Variants in FRMPD2 observed in about 807,000 individuals in gnomAD.
FRMPD2 encodes the protein FERM and PDZ domain-containing protein 2.
FRMPD2 carries 96 observed loss-of-function variants against 140.1 expected under a neutral mutation model. The observed-to-expected ratio is 0.69, with a 90% CI of 0.58 to 0.81. The LOEUF (loss-of-function observed/expected upper bound fraction) is 0.81, where lower values mean the gene tolerates loss of function less well. Ranked by LOEUF, FRMPD2 falls within the 40% of genes least tolerant of loss-of-function variation. FRMPD2 has a pLI of 0.00. For missense variants in FRMPD2, 1,240 were observed against 1,447.4 expected, an observed-to-expected ratio of 0.86 and a Z score of 2.32; for synonymous variants, 449 against 547.6, an observed-to-expected ratio of 0.82 and a Z score of 2.52.
chr10:48,233,517 T>A (rs1333615848), intron 9 of FRMPD2, among the ~76,000 whole-genome samples: 1 of 152,200 alleles, frequency 6.6e-6, no homozygotes, highest in Non-Finnish European at 1.5e-5. Flanking sequence ...TCCCAGCTGC[T>A]TCCTGAGAGG....
chr10:48,224,135 C>A (rs1839671215), intron 10 of FRMPD2, among the ~76,000 whole-genome samples: 1 of 152,162 alleles, frequency 6.6e-6, no homozygotes, highest in African/African-American at 2.4e-5. Context: ...CAAATCCTGG[C>A]AAGTGTGTCC....
intron 10 of FRMPD2, among the ~76,000 whole-genome samples, chr10:48,228,897 T>C (rs747887731): frequency 1.3e-5 from 2 of 151,998 alleles, no homozygotes; most frequent in Non-Finnish European, 2.9e-5. Context: ...AATAAGAACA[T>C]TATAAATGGT....
intron 1 of FRMPD2, among the ~76,000 whole-genome samples, chr10:48,272,195 C>T (rs530130154): frequency 2.0e-4 from 26 of 132,780 alleles, no homozygotes; most frequent in African/African-American, 9.9e-4. Flanking sequence ...AGTATTCTTC[C>T]TAATTCTTCC....
intron 14 of FRMPD2, among the ~76,000 whole-genome samples, chr10:48,201,873 T>A (rs1196072132): frequency 6.6e-6 from 1 of 152,148 alleles, no homozygotes; most frequent in Admixed American, 6.6e-5. Flanking sequence ...GAGTATGAAT[T>A]TATTTTATCT....
chr10:48,243,487 T>C (rs1487618873), intron 4 of FRMPD2, among the ~76,000 whole-genome samples: 2 of 152,128 alleles, frequency 1.3e-5, no homozygotes, highest in African/African-American at 4.8e-5. Flanking sequence ...TTATTAAGAA[T>C]TCCAGGACAG....
At chr10:48,274,727 G>A (rs1840824840), upstream of FRMPD2, 2 of 673,784 alleles carry the variant, frequency 3.0e-6, no homozygotes, top group Non-Finnish European at 5.3e-6. Flanking sequence ...TGCCCAGCGA[G>A]TGAGTCAACA....
intron 12 of FRMPD2, 127 bp from the exon 13 acceptor site, chr10:48,212,236 GC>G: frequency 1.2e-6 from 1 of 834,020 alleles, no homozygotes; most frequent in Non-Finnish European, 1.9e-6. Context: ...TCCTCGAGGT[GC>G]CCACCTGGGA....
At chr10:48,251,516 G>A (rs776706488) in intron 2 of FRMPD2, 50 bp downstream of exon 2, 1 of 1,604,306 alleles carries the variant, frequency 6.2e-7, no homozygotes, top group South Asian at 1.1e-5. Flanking sequence ...TGTGTGGGAA[G>A]CTTCACATAC....
intron 12 of FRMPD2, among the ~76,000 whole-genome samples, chr10:48,219,881 T>C (rs1286676135): frequency 6.6e-6 from 1 of 152,146 alleles, no homozygotes; most frequent in East Asian, 1.9e-4. Flanking sequence ...GAAGAGTGTA[T>C]CCCAGAAAAA....
In FRMPD2 at chr10:48,192,705, C is replaced by T. The variant is rs372691254; in HGVS notation, c.2144G>A (p.Gly715Glu). 22 of 1,614,012 alleles carry T rather than the reference C, an allele frequency of 1.4e-5. No individual in the cohort carries two copies. In the African/African-American group the frequency reaches 2.7e-4, roughly 20 times the overall value. Residue 715 changes from glycine to glutamate, a missense_variant, in exon 16 of 29, where the codon GGA becomes GAA. Transcript: ENST00000374201. ...NFNVDGSKEA[G>E]AEGIGRSPCT... ...CCACCTGCGCCCGATGCCTTCTGCTCCAGCCTCCTTGCTGCCGTCCACGTT... is the reference window on the plus strand; with the variant it reads ...CCACCTGCGCCCGATGCCTTCTGCTTCAGCCTCCTTGCTGCCGTCCACGTT...
At chr10:48,233,083 T>C (rs946391974) in intron 9 of FRMPD2, among the ~76,000 whole-genome samples, 1 of 152,138 alleles carries the variant, frequency 6.6e-6, no homozygotes, top group African/African-American at 2.4e-5. Flanking sequence ...TATCCCCATG[T>C]CCCAAAGCCC....
Position 48,240,489 on chromosome 10 carries a change from C to A in FRMPD2, c.571G>T (p.Glu191Ter). 1 of 1,613,760 alleles carries A rather than the reference C, an allele frequency of 6.2e-7. No homozygotes were observed. Among genetic ancestry groups the A allele is most frequent in the Non-Finnish European group, 8.5e-7 (1 of 1,180,026 alleles). ...GLVLGTISEV[E>*]KRVVEESSSV... ...GAGCTTTCCTCCACAACTCTTTTCT[C>A]CACCTGGGGGTCAAGTGCATCACAC... The change falls in exon 6 of 29, where the codon GAG (glutamate) becomes TAG (stop). Residue 191 changes from glutamate (E) to a stop codon, truncating the protein, a stop_gained. Coordinates refer to ENST00000374201, the MANE Select transcript of FRMPD2 (RefSeq NM_001018071.4). LOFTEE classifies it high-confidence loss of function.
At chr10:48,208,826 C>T (rs556045386) in intron 13 of FRMPD2, among the ~76,000 whole-genome samples, 1 of 152,294 alleles carries the variant, frequency 6.6e-6, no homozygotes, top group South Asian at 2.1e-4. Context: ...TTCCTTACAA[C>T]AGGTAGCAAA....
At chr10:48,188,288 C>T (rs1314812921) in intron 16 of FRMPD2, among the ~76,000 whole-genome samples, 1 of 152,172 alleles carries the variant, frequency 6.6e-6, no homozygotes, top group East Asian at 1.9e-4. Flanking sequence ...GCTCTCTCTG[C>T]AGGGAGCTTG....
intron 3 of FRMPD2, among the ~76,000 whole-genome samples, chr10:48,245,830 A>G (rs1236254840): frequency 6.6e-6 from 1 of 152,202 alleles, no homozygotes; most frequent in Non-Finnish European, 1.5e-5. Context: ...TTCTCAGGAA[A>G]TGATTTTTGG....
chr10:48,182,037 G>A (rs1232945879), intron 20 of FRMPD2, among the ~76,000 whole-genome samples: 2 of 151,696 alleles, frequency 1.3e-5, no homozygotes, highest in Non-Finnish European at 2.9e-5. Context: ...TTTAGACCTG[G>A]ATACAAGTAG....
chr10:48,271,347 G>C (rs1421737387), intron 1 of FRMPD2, among the ~76,000 whole-genome samples: 1 of 152,194 alleles, frequency 6.6e-6, no homozygotes, highest in Non-Finnish European at 1.5e-5. Context: ...AAATGATACT[G>C]ATAGAAGAAA....
At chr10:48,241,152 C>G (rs368055935) in intron 5 of FRMPD2, among the ~76,000 whole-genome samples, 72 of 152,278 alleles carry the variant, frequency 4.7e-4, no homozygotes, top group African/African-American at 1.7e-3. Context: ...CCACATGTTC[C>G]TATGCCAAGA....
rs190311980 is a variant in FRMPD2, at chr10:48,236,554, C to T, written c.922-1G>A. Reference sequence around the variant, plus strand: ...ACAGGATGAACTCTGGCCTGGAAAACTGGAGGAAAACAGTCACATATGGTA... The same window carrying T: ...ACAGGATGAACTCTGGCCTGGAAAATTGGAGGAAAACAGTCACATATGGTA... On this transcript the variant is annotated splice_acceptor_variant, in intron 8 of 28. Coordinates refer to ENST00000374201, the MANE Select transcript of FRMPD2 (RefSeq NM_001018071.4). LOFTEE classifies it high-confidence loss of function. 1.7e-4 allele frequency: 277 copies of T among 1,613,996 alleles called. No individual in the cohort carries two copies. The highest frequency in any genetic ancestry group is 2.2e-4 in the Non-Finnish European group (255 of 1,179,946).
Sources: allele counts gnomAD v4.1 joint callset (sites outside exome capture counted in the v4.1 genomes callset), GRCh38; gene constraint gnomAD v4.1.1; transcripts MANE v1.5; gene names NCBI Gene and HGNC (gene_info 2026-07-23, HGNC 2026-07-21).